RLN2: variants seen among roughly 807,000 people sequenced by gnomAD.
RLN2 encodes relaxin 2.
In RLN2, 10 loss-of-function variants were observed where a neutral mutation model predicts 7.3. The observed-to-expected ratio is 1.36, with a 90% CI of 0.84 to 2.31. The LOEUF is 2.31. RLN2 is among the 30% of genes most tolerant of loss of function. The probability of loss-of-function intolerance (pLI) is 0.00; values close to 1 mark genes in which losing one functional copy is unlikely to be tolerated. For synonymous variants in RLN2, 103 were observed against 82.3 expected (o/e 1.25, Z -1.36); for missense variants, 298 against 217.6 (o/e 1.37, Z -2.32).
the RLN2 span, among the ~76,000 whole-genome samples, chr9:5,333,646 G>T: frequency 2.6e-5 from 4 of 151,750 alleles, no homozygotes; most frequent in African/African-American, 9.7e-5. Flanking sequence ...TGAAAAGGAG[G>T]GACCTCTCCC....
At chr9:5,318,300 G>T in the RLN2 span, among the ~76,000 whole-genome samples, 1 of 151,942 alleles carries the variant, frequency 6.6e-6, no homozygotes, top group Non-Finnish European at 1.5e-5. Context: ...CTCCTACCAT[G>T]AACAAAGTAA....
chr9:5,335,267 A>G, the RLN2 span: 1 of 1,589,956 alleles, frequency 6.3e-7, no homozygotes, highest in African/African-American at 1.4e-5. Flanking sequence ...ATATTTAGCA[A>G]GAGACCTTTT....
upstream of RLN2, among the ~76,000 whole-genome samples, chr9:5,306,348 T>C (rs1252341580): frequency 6.6e-6 from 1 of 151,964 alleles, no homozygotes. Flanking sequence ...CCTCAGGTGA[T>C]GCACCCACCT....
At chr9:5,316,974 G>C in the RLN2 span, among the ~76,000 whole-genome samples, 1 of 152,138 alleles carries the variant, frequency 6.6e-6, no homozygotes, top group South Asian at 2.1e-4. Flanking sequence ...TAGAGTTGTT[G>C]TATGGGATTG....
At chr9:5,310,793 A>G in the RLN2 span, among the ~76,000 whole-genome samples, 1 of 152,066 alleles carries the variant, frequency 6.6e-6, no homozygotes, top group Non-Finnish European at 1.5e-5. Flanking sequence ...CATTGCTGTC[A>G]TTTATGTCAC....
At chr9:5,338,202 A>G in the RLN2 span, among the ~76,000 whole-genome samples, 1 of 95,540 alleles carries the variant, frequency 1.0e-5, no homozygotes, top group Non-Finnish European at 2.1e-5. Context: ...TACTACTTTT[A>G]TAGTCAGAAA....
At chr9:5,331,138 G>A in the RLN2 span, among the ~76,000 whole-genome samples, 1 of 151,996 alleles carries the variant, frequency 6.6e-6, no homozygotes, top group Non-Finnish European at 1.5e-5. Context: ...TCCAGGACCA[G>A]ATGGATTCAC....
chr9:5,330,075 G>A, the RLN2 span, among the ~76,000 whole-genome samples: 5 of 152,086 alleles, frequency 3.3e-5, no homozygotes, highest in African/African-American at 9.6e-5. Context: ...AGACCACAGT[G>A]CAATCAAATT....
chr9:5,326,531 T>C, the RLN2 span, among the ~76,000 whole-genome samples: 1 of 151,772 alleles, frequency 6.6e-6, no homozygotes. Context: ...GGAAATGCAG[T>C]GTGGAGGGTC....
chr9:5,329,044 C>G, the RLN2 span, among the ~76,000 whole-genome samples: 1 of 151,892 alleles, frequency 6.6e-6, no homozygotes, highest in East Asian at 1.9e-4. Context: ...TGGCTCACGC[C>G]TGTAATCCCA....
At chr9:5,318,773 G>C in the RLN2 span, among the ~76,000 whole-genome samples, 1 of 151,888 alleles carries the variant, frequency 6.6e-6, no homozygotes, top group Non-Finnish European at 1.5e-5. Flanking sequence ...CTGGGAACAG[G>C]ATCAGCTAAC....
At chr9:5,311,608 G>C in the RLN2 span, 3 of 1,161,416 alleles carry the variant, frequency 2.6e-6, no homozygotes, top group Non-Finnish European at 2.6e-6. Context: ...TACCCATAGG[G>C]AAAAAGGGAA....
At chr9:5,312,627 GTATACTGTTA>G in the RLN2 span, among the ~76,000 whole-genome samples, 22 of 151,828 alleles carry the variant, frequency 1.4e-4, no homozygotes, top group East Asian at 4.1e-3. Context: ...AAAAGTTGTT[GTATACTGTTA>G]ATGATTTTCT....
chr9:5,336,457 T>C, the RLN2 span, among the ~76,000 whole-genome samples: 1 of 152,024 alleles, frequency 6.6e-6, no homozygotes, highest in East Asian at 1.9e-4. Flanking sequence ...GCTGGGAACC[T>C]GCTGGACACC....
chr9:5,302,713 A>G (rs1032683355), intron 1 of RLN2, among the ~76,000 whole-genome samples: 5 of 152,240 alleles, frequency 3.3e-5, no homozygotes, highest in African/African-American at 1.2e-4. Flanking sequence ...CAATTTAGAA[A>G]TAAACTAAAT....
chr9:5,324,594 C>T, the RLN2 span, among the ~76,000 whole-genome samples: 2 of 151,898 alleles, frequency 1.3e-5, no homozygotes, highest in African/African-American at 4.8e-5. Flanking sequence ...CATAAACCTA[C>T]CAAACAGATT....
rs1816177026 is a variant in RLN2, at chr9:5,302,782, G to C, written c.211+1588C>G. ...ATTTATGACAAAAAATACTACACAG[G>C]AATTTCAAATTGTGTTTTGGGATAA... On this transcript the variant is annotated intron_variant, in intron 1 of 1. Coordinates refer to ENST00000381627, the MANE Select transcript of RLN2 (RefSeq NM_134441.3). 3.9e-5 allele frequency among the ~76,000 whole-genome samples: 6 copies of C among 152,234 alleles called. No homozygotes were observed. The South Asian group carries it at 1.2e-3, about 32-fold the overall frequency.
the RLN2 span, among the ~76,000 whole-genome samples, chr9:5,336,032 G>T: frequency 2.6e-5 from 4 of 151,878 alleles, no homozygotes; most frequent in Admixed American, 6.6e-5. Flanking sequence ...TAGTAACAAC[G>T]CTTGAAAAAG....
At chr9:5,330,111 C>A in the RLN2 span, among the ~76,000 whole-genome samples, 3 of 152,004 alleles carry the variant, frequency 2.0e-5, no homozygotes, top group South Asian at 6.2e-4. Flanking sequence ...GAAACTCACT[C>A]AAAACTGCAC....
Sources: gnomAD v4.1 joint callset for allele counts (sites outside exome capture counted in the v4.1 genomes callset) on GRCh38, gnomAD v4.1.1 for gene constraint, MANE v1.5 for transcripts, NCBI Gene and HGNC (gene_info 2026-07-23, HGNC 2026-07-21) for gene names.